Variants in APBB2 observed in about 807,000 individuals in gnomAD.
APBB2 encodes the protein amyloid beta precursor protein binding family B member 2.
A neutral mutation model predicts 82.5 loss-of-function variants in APBB2; 38 were observed. The ratio of observed to expected loss-of-function variants is 0.46; its 90% CI spans 0.36 to 0.60. The LOEUF (loss-of-function observed/expected upper bound fraction) is 0.60. Among genes scored for constraint, APBB2 ranks in the 20% least tolerant of loss-of-function variants. APBB2 has a pLI of 0.00. For synonymous variants in APBB2, 341 were observed against 368.2 expected (o/e 0.93, Z 0.85); for missense variants, 772 against 972.3 (o/e 0.79, Z 2.74).
intron 1 of APBB2, among the ~76,000 whole-genome samples, chr4:41,197,853 A>G: frequency 1.3e-5 from 2 of 152,196 alleles, no homozygotes; most frequent in Admixed American, 1.3e-4. Flanking sequence ...TATGTGGAAA[A>G]GAGCTCCATC....
chr4:41,104,335 A>C (rs1056538545), intron 2 of APBB2, among the ~76,000 whole-genome samples: 1 of 152,184 alleles, frequency 6.6e-6, no homozygotes, highest in African/African-American at 2.4e-5. Context: ...TTAATCCCAC[A>C]CACTGATATC....
At chr4:40,961,080 T>C (rs1793063848) in intron 6 of APBB2, among the ~76,000 whole-genome samples, 1 of 152,126 alleles carries the variant, frequency 6.6e-6, no homozygotes, top group East Asian at 1.9e-4. Context: ...AGAAATTTGG[T>C]TCCTGAGGTC....
At chr4:40,990,496 TCACA>T (rs1406661501) in intron 6 of APBB2, among the ~76,000 whole-genome samples, 1 of 152,166 alleles carries the variant, frequency 6.6e-6, no homozygotes, top group Admixed American at 6.5e-5. Flanking sequence ...TAACCGCTTT[TCACA>T]CACACAAGAA....
chr4:40,953,221 C>G (rs747860585), intron 6 of APBB2, among the ~76,000 whole-genome samples: 9 of 148,022 alleles, frequency 6.1e-5, no homozygotes, highest in Non-Finnish European at 1.0e-4. Flanking sequence ...TCACCTGAAC[C>G]TGGGAGGTAG....
chr4:41,002,950 A>G (rs62412092), intron 6 of APBB2, among the ~76,000 whole-genome samples: 20,420 of 152,206 alleles, frequency 0.13, 1,611 homozygotes, highest in Middle Eastern at 0.23. Context: ...TTGAACTAAC[A>G]TAAGAAAAAC....
chr4:41,086,944 ACAC>A (rs750868248), intron 3 of APBB2, among the ~76,000 whole-genome samples: 476 of 83,402 alleles, frequency 5.7e-3, no homozygotes, highest in South Asian at 0.012. Context: ...ACACACACAC[ACAC>A]ACAAAAAACC....
intron 3 of APBB2, among the ~76,000 whole-genome samples, chr4:41,087,577 C>A (rs957780179): frequency 1.3e-5 from 2 of 151,892 alleles, no homozygotes; most frequent in African/African-American, 4.8e-5. Context: ...TACAAGCATG[C>A]ATCACCATGA....
chr4:40,811,818 C>T lies in APBB2; in HGVS notation c.*4274G>A, dbSNP rs146089641. ...GTGGAAGTGCAAGATGAACAAAAAG[C>T]GGGGACATACTTTAAATTCTGTTTA... is the stretch of plus-strand genomic sequence containing the variant. On this transcript the variant is annotated 3_prime_UTR_variant, in exon 18 of 18. Coordinates refer to ENST00000508593, the MANE Select transcript of APBB2 (RefSeq NM_004307.2). 25 of 152,224 alleles carry T rather than the reference C, an allele frequency of 1.6e-4. No homozygotes were observed. The highest frequency in any genetic ancestry group is 8.3e-4 in the South Asian group (4 of 4,826). 9.4% of individuals were successfully genotyped at this position (152,224 alleles called of 1,614,324 possible).
intron 12 of APBB2, among the ~76,000 whole-genome samples, chr4:40,839,854 G>A (rs976791296): frequency 2.6e-5 from 4 of 152,066 alleles, no homozygotes; most frequent in African/African-American, 9.7e-5. Context: ...TAGTAGAGAC[G>A]GGGCTTCGCC....
chr4:40,876,786 G>C (rs1767029393), intron 12 of APBB2, among the ~76,000 whole-genome samples: 1 of 151,832 alleles, frequency 6.6e-6, no homozygotes, highest in Admixed American at 6.6e-5. Flanking sequence ...TGAATGTGTC[G>C]ATGTAAAAAA....
At chr4:40,871,387 C>A (rs909629501) in intron 12 of APBB2, among the ~76,000 whole-genome samples, 1 of 151,130 alleles carries the variant, frequency 6.6e-6, no homozygotes, top group African/African-American at 2.4e-5. Flanking sequence ...TCAAGTGATC[C>A]GCCCGCCTTG....
intron 12 of APBB2, among the ~76,000 whole-genome samples, chr4:40,886,891 G>A (rs936279270): frequency 1.3e-5 from 2 of 152,238 alleles, no homozygotes; most frequent in African/African-American, 4.8e-5. Flanking sequence ...CAGGGGCCGT[G>A]ACATTTACCT....
intron 2 of APBB2, among the ~76,000 whole-genome samples, chr4:41,133,511 T>C (rs750730003): frequency 6.6e-6 from 1 of 152,230 alleles, no homozygotes. Flanking sequence ...CAGAAATGTC[T>C]CTAAAAAGCT....
In APBB2 at chr4:40,861,759, T is replaced by C. The variant is rs926141905; in HGVS notation, c.1529+28605A>G. Among the ~76,000 whole-genome samples, 5 of 152,340 alleles carry C rather than the reference T, an allele frequency of 3.3e-5. No individual in the cohort carries two copies. In the East Asian group the frequency reaches 9.6e-4, roughly 29 times the overall value. ...GTACATATTACAGCTAATTCTCTGA[T>C]AAATATGGTAGCTGTTACTGTAGTA... On this transcript the variant is annotated intron_variant, in intron 12 of 17. Transcript: ENST00000508593.
intron 10 of APBB2, among the ~76,000 whole-genome samples, chr4:40,911,270 G>A (rs951341030): frequency 6.6e-6 from 1 of 152,158 alleles, no homozygotes; most frequent in African/African-American, 2.4e-5. Context: ...AGTATGCGTG[G>A]ATCTGGTATA....
rs1248840877 is a variant in APBB2, at chr4:40,944,580, A to G, written c.1044+285T>C. Among the ~76,000 whole-genome samples, 3 of 152,322 alleles carry G rather than the reference A, an allele frequency of 2.0e-5. No individual in the cohort carries two copies. The East Asian group carries it at 5.8e-4, about 29-fold the overall frequency. On this transcript the variant is annotated intron_variant, in intron 7 of 17. Coordinates refer to ENST00000508593, the MANE Select transcript of APBB2 (RefSeq NM_004307.2). ...TGCAGAGTAAAGTACTGCCTCAGTG[A>G]GCCCTAGGGAATCTTAACCACTTCT...
chr4:41,053,628 G>C (rs1205049788), intron 4 of APBB2, among the ~76,000 whole-genome samples: 1 of 151,992 alleles, frequency 6.6e-6, no homozygotes, highest in Non-Finnish European at 1.5e-5. Context: ...TATTACCCCA[G>C]TACTGCTATA....
intron 10 of APBB2, among the ~76,000 whole-genome samples, chr4:40,933,751 G>A (rs1480842511): frequency 6.6e-6 from 1 of 152,230 alleles, no homozygotes; most frequent in Non-Finnish European, 1.5e-5. Flanking sequence ...AGGACTGTGT[G>A]CAATCCAAAG....
intron 10 of APBB2, among the ~76,000 whole-genome samples, chr4:40,928,778 G>C (rs908283364): frequency 8.7e-5 from 13 of 149,810 alleles, no homozygotes; most frequent in Non-Finnish European, 1.9e-4. Context: ...CCAGCTACTC[G>C]GCAGGCAGGG....
Sources: allele counts gnomAD v4.1 joint callset (sites outside exome capture counted in the v4.1 genomes callset), GRCh38; gene constraint gnomAD v4.1.1; transcripts MANE v1.5; gene names NCBI Gene and HGNC (gene_info 2026-07-23, HGNC 2026-07-21).